DCC: variants seen among roughly 807,000 people sequenced by gnomAD.
DCC encodes DCC netrin 1 receptor, also known as netrin receptor DCC.
Under a neutral mutation model 172.5 loss-of-function variants are expected in DCC, and 58 were observed. The observed-to-expected ratio is 0.34, with a 90% confidence interval of 0.27 to 0.42. The LOEUF is 0.42. Ranked by LOEUF, DCC falls within the 10% of genes least tolerant of loss-of-function variation. The pLI is 1.00. For missense variants in DCC, 1,740 were observed against 1,791.0 expected (o/e 0.97, Z 0.51); for synonymous variants, 709 against 644.5 (o/e 1.10, Z -1.52).
chr18:52,765,372 A>G (rs2037230561), intron 2 of DCC, among the ~76,000 whole-genome samples: 1 of 151,008 alleles, frequency 6.6e-6, no homozygotes, highest in Non-Finnish European at 1.5e-5. Flanking sequence ...CCAAATCCAT[A>G]CTCATCTCTT....
At chr18:53,198,432 G>GCT (rs59665065) in intron 9 of DCC, among the ~76,000 whole-genome samples, 1,646 of 149,396 alleles carry the variant, frequency 0.011, 19 homozygotes, top group Middle Eastern at 0.021. Flanking sequence ...AAACTGAGCA[G>GCT]CTCTCTCTCT....
chr18:52,605,413 G>C (rs2034113388), intron 1 of DCC, among the ~76,000 whole-genome samples: 1 of 152,104 alleles, frequency 6.6e-6, no homozygotes, highest in African/African-American at 2.4e-5. Flanking sequence ...CATTCGATTT[G>C]TTAGGCTTTC....
intron 13 of DCC, among the ~76,000 whole-genome samples, chr18:53,310,682 A>G (rs1479051900): frequency 6.6e-6 from 1 of 152,170 alleles, no homozygotes; most frequent in Admixed American, 6.6e-5. Context: ...TGGTCAATAT[A>G]TAATAAACAT....
At chr18:52,656,748 TTTTG>T (rs1410233627) in intron 1 of DCC, among the ~76,000 whole-genome samples, 2 of 152,184 alleles carry the variant, frequency 1.3e-5, no homozygotes, top group South Asian at 2.1e-4. Context: ...TGTTTTCTTT[TTTTG>T]TTTGTTTGTT....
In DCC at chr18:52,695,258, A is replaced by G. The variant is rs542770802; in HGVS notation, c.92-56796A>G. On this transcript the variant is annotated intron_variant, in intron 1 of 28. Coordinates refer to ENST00000442544, the MANE Select transcript of DCC (RefSeq NM_005215.4). ...TATAAAATGGAGATTAAAAATAATT[A>G]CTTTGTATTACTTTATGAGAATAAT... 5.3e-5 allele frequency among the ~76,000 whole-genome samples: 8 copies of G among 152,318 alleles called. No individual in the cohort carries two copies. In the East Asian group the frequency reaches 1.5e-3, roughly 29 times the overall value.
chr18:52,500,754 T>A (rs1220005343), intron 1 of DCC, among the ~76,000 whole-genome samples: 1 of 152,158 alleles, frequency 6.6e-6, no homozygotes, highest in African/African-American at 2.4e-5. Flanking sequence ...GTGAAATGAT[T>A]TTTGATTTTT....
At chr18:53,483,868 C>G (rs2045866959) in intron 25 of DCC, among the ~76,000 whole-genome samples, 1 of 151,728 alleles carries the variant, frequency 6.6e-6, no homozygotes, top group Non-Finnish European at 1.5e-5. Context: ...TAATTGCATA[C>G]ATCCATGTAT....
chr18:53,076,160 A>T (rs1273040842), intron 7 of DCC, among the ~76,000 whole-genome samples: 1 of 152,142 alleles, frequency 6.6e-6, no homozygotes, highest in Admixed American at 6.6e-5. Context: ...TTGGCACAAG[A>T]CGTATGATAC....
intron 12 of DCC, among the ~76,000 whole-genome samples, chr18:53,284,470 T>C (rs1313013496): frequency 6.6e-6 from 1 of 152,158 alleles, no homozygotes; most frequent in East Asian, 1.9e-4. Context: ...ACAAGTTCTC[T>C]TCTCTTGTCT....
At chr18:53,297,532 T>G (rs1235314560) in intron 12 of DCC, among the ~76,000 whole-genome samples, 2 of 152,204 alleles carry the variant, frequency 1.3e-5, no homozygotes, top group Admixed American at 1.3e-4. Flanking sequence ...TAGAACTGAT[T>G]TTTCAAAAGT....
At chr18:53,374,453 T>C (rs2058089353) in intron 15 of DCC, among the ~76,000 whole-genome samples, 1 of 152,190 alleles carries the variant, frequency 6.6e-6, no homozygotes, top group Admixed American at 6.5e-5. Context: ...TGTGTGAGCA[T>C]CATCTAACTG....
At chr18:52,390,302 A>G (rs1469145257) in intron 1 of DCC, among the ~76,000 whole-genome samples, 2 of 151,858 alleles carry the variant, frequency 1.3e-5, no homozygotes, top group African/African-American at 4.8e-5. Flanking sequence ...CCAAAGCTCT[A>G]CCTGCTGGGA....
At chr18:53,182,187 A>T (rs139707521) in intron 9 of DCC, among the ~76,000 whole-genome samples, 4 of 152,226 alleles carry the variant, frequency 2.6e-5, no homozygotes, top group African/African-American at 4.8e-5. Flanking sequence ...TATAAATTCT[A>T]TTCTCTAAGA....
At chr18:53,028,147 TA>T (rs2041981742) in intron 5 of DCC, among the ~76,000 whole-genome samples, 1 of 152,140 alleles carries the variant, frequency 6.6e-6, no homozygotes, top group Admixed American at 6.6e-5. Context: ...TCATGTTGCC[TA>T]CATGGGCACG....
At chr18:53,471,619 T>C (rs748773752) in intron 25 of DCC, among the ~76,000 whole-genome samples, 3 of 152,194 alleles carry the variant, frequency 2.0e-5, no homozygotes, top group Non-Finnish European at 4.4e-5. Context: ...CTCCTTTCTG[T>C]AATTCATTAC....
intron 8 of DCC, among the ~76,000 whole-genome samples, chr18:53,162,899 C>T (rs997151803): frequency 1.1e-4 from 16 of 152,182 alleles, no homozygotes; most frequent in Admixed American, 1.0e-3. Context: ...ATCCACTGAG[C>T]TATTCTCAGC....
At chr18:53,484,587 C>T (rs541499075) in intron 25 of DCC, among the ~76,000 whole-genome samples, 2 of 152,058 alleles carry the variant, frequency 1.3e-5, no homozygotes, top group South Asian at 4.2e-4. Flanking sequence ...GTATTTTATC[C>T]ATTTTGTGTT....
chr18:53,128,884 T>C (rs796764831), intron 7 of DCC, among the ~76,000 whole-genome samples: 31,018 of 102,224 alleles, frequency 0.3, 4,702 homozygotes, highest in South Asian at 0.47. Context: ...TATATATATA[T>C]ATATATATAT....
intron 2 of DCC, among the ~76,000 whole-genome samples, chr18:52,773,028 T>C (rs1430587782): frequency 6.6e-6 from 1 of 152,234 alleles, no homozygotes; most frequent in Non-Finnish European, 1.5e-5. Context: ...ATAGCTATCA[T>C]ATGATGACTC....
Sources: gnomAD v4.1 joint callset for allele counts (sites outside exome capture counted in the v4.1 genomes callset) on GRCh38, gnomAD v4.1.1 for gene constraint, MANE v1.5 for transcripts, NCBI Gene and HGNC (gene_info 2026-07-23, HGNC 2026-07-21) for gene names.